PATJ: variants seen among roughly 807,000 people sequenced by gnomAD.
PATJ encodes the protein PATJ crumbs cell polarity complex component.
In PATJ, 190 loss-of-function variants were observed where a neutral mutation model predicts 224.9. That is an observed-to-expected ratio of 0.84 (90% CI 0.75 to 0.95). The LOEUF (loss-of-function observed/expected upper bound fraction) is 0.95, where lower values mean the gene tolerates loss of function less well. PATJ is among the 40% of genes least tolerant of loss of function. PATJ has a pLI of 0.00. For missense variants in PATJ, 2,121 were observed against 2,270.3 expected, an observed-to-expected ratio of 0.93 and a Z score of 1.34; for synonymous variants, 769 against 820.3, an observed-to-expected ratio of 0.94 and a Z score of 1.07.
chr1:61,917,714 G>A (rs1040765054), intron 26 of PATJ, among the ~76,000 whole-genome samples: 16 of 151,968 alleles, frequency 1.1e-4, no homozygotes, highest in African/African-American at 2.9e-4. Flanking sequence ...TAAAATGATC[G>A]GTAGGAGCAT....
At chr1:61,894,260 AAAAAAAAAACAC>A (rs1670021406) in intron 22 of PATJ, among the ~76,000 whole-genome samples, 1 of 140,478 alleles carries the variant, frequency 7.1e-6, no homozygotes, top group South Asian at 2.3e-4. Flanking sequence ...ATCTCATAAA[AAAAAAAAAACAC>A]AAAAAAAAAA....
chr1:61,880,883 C>G (rs984204687), intron 21 of PATJ, among the ~76,000 whole-genome samples: 3 of 152,202 alleles, frequency 2.0e-5, no homozygotes, highest in African/African-American at 7.2e-5. Context: ...CACTTGAGGT[C>G]AGGAGTTCAA....
intron 31 of PATJ, among the ~76,000 whole-genome samples, chr1:62,062,074 A>G (rs1439038294): frequency 2.0e-5 from 3 of 152,216 alleles, no homozygotes; most frequent in Non-Finnish European, 2.9e-5. Context: ...TCTTTCTGGT[A>G]GAATAACTTA....
At chr1:61,844,063 G>A (rs943502694) in intron 17 of PATJ, among the ~76,000 whole-genome samples, 32 of 152,226 alleles carry the variant, frequency 2.1e-4, no homozygotes, top group African/African-American at 3.6e-4. Context: ...GACAGACAGC[G>A]GACAAATAAG....
intron 27 of PATJ, chr1:61,952,270 GAGAGAGAGAA>G (rs1679811154): frequency 3.3e-6 from 2 of 614,152 alleles, no homozygotes. Context: ...GAGAGAGAGA[GAGAGAGAGAA>G]AAATAGGCCC....
At chr1:61,784,363 A>G (rs528045584) in intron 7 of PATJ, among the ~76,000 whole-genome samples, 155 of 152,366 alleles carry the variant, frequency 1.0e-3, no homozygotes, top group African/African-American at 3.5e-3. Flanking sequence ...GAAAATATCA[A>G]TAAAATGCAG....
intron 11 of PATJ, among the ~76,000 whole-genome samples, chr1:61,797,873 G>A (rs1424852045): frequency 6.6e-6 from 1 of 151,846 alleles, no homozygotes; most frequent in African/African-American, 2.4e-5. Flanking sequence ...CACGATCTTG[G>A]CTTACTGCAA....
At chr1:61,826,663 T>C (rs1008714013) in intron 15 of PATJ, among the ~76,000 whole-genome samples, 1 of 152,228 alleles carries the variant, frequency 6.6e-6, no homozygotes, top group Non-Finnish European at 1.5e-5. Flanking sequence ...GAAATTTAGA[T>C]AATTTTTTGG....
chr1:61,800,677 C>A (rs1014557031), intron 11 of PATJ, among the ~76,000 whole-genome samples: 3 of 152,120 alleles, frequency 2.0e-5, no homozygotes, highest in Admixed American at 1.3e-4. Flanking sequence ...GTGTGCTACA[C>A]CCATTAACTC....
intron 42 of PATJ, among the ~76,000 whole-genome samples, chr1:62,152,763 A>G (rs1668757864): frequency 6.6e-6 from 1 of 152,226 alleles, no homozygotes; most frequent in Non-Finnish European, 1.5e-5. Flanking sequence ...CCACCACACT[A>G]GGAGACACGC....
At position 62,123,043 on chromosome 1, in the gene PATJ, T is replaced by C. The variant is rs756774312; in HGVS notation, c.5028T>C (p.Thr1676=). The C allele has an allele frequency of 2.5e-6, 4 of 1,597,352 alleles. No individual in the cohort carries two copies. In the South Asian group the frequency reaches 3.4e-5, roughly 14 times the overall value. Residue 1676 remains threonine, a synonymous_variant, in exon 39 of 44, where the codon ACT becomes ACC. Coordinates refer to ENST00000642238, the MANE Select transcript of PATJ (RefSeq NM_001350145.3). ...KNSGTDMEPR[T]VEINRELSDA... ...TAGGCACAGATATGGAACCAAGGAC[T>C]GTTGAGATAAACAGGGTAAGTCAGT...
chr1:61,882,224 G>A (rs762504378), intron 21 of PATJ, among the ~76,000 whole-genome samples: 22 of 152,116 alleles, frequency 1.4e-4, no homozygotes, highest in Non-Finnish European at 2.5e-4. Flanking sequence ...TGAGGAGGAG[G>A]CCTATTTTAT....
chr1:62,058,367 T>A (rs1029661398), intron 31 of PATJ, among the ~76,000 whole-genome samples: 1 of 152,226 alleles, frequency 6.6e-6, no homozygotes, highest in Non-Finnish European at 1.5e-5. Context: ...ATGCATTTGA[T>A]CCTTATAAAA....
At chr1:61,935,298 C>CA (rs1415107768) in intron 27 of PATJ, among the ~76,000 whole-genome samples, 1 of 152,138 alleles carries the variant, frequency 6.6e-6, no homozygotes, top group African/African-American at 2.4e-5. Context: ...ATGAATGGAA[C>CA]CCCACACTGT....
At chr1:61,810,209 A>C (rs547692586) in intron 14 of PATJ, among the ~76,000 whole-genome samples, 1 of 152,090 alleles carries the variant, frequency 6.6e-6, no homozygotes, top group African/African-American at 2.4e-5. Flanking sequence ...GTTTACCTGC[A>C]TCTTGAGTCA....
rs900992164 is a variant in PATJ, at chr1:62,100,383, A to G, written c.4378-8054A>G. ...CTGGTGAGGGCCTTCATGCTGCATC[A>G]TCCTGTGACAGAAGTTGAAGGGCAA... is the stretch of plus-strand genomic sequence containing the variant. On this transcript the variant is annotated intron_variant, in intron 33 of 43. Coordinates refer to ENST00000642238, the MANE Select transcript of PATJ (RefSeq NM_001350145.3). The G allele has an allele frequency of 7.0e-5, 50 of 718,344 alleles. No individual in the cohort carries two copies. The African/African-American group carries it at 8.0e-4, about 12-fold the overall frequency. 44.5% of individuals were successfully genotyped at this position (718,344 alleles called of 1,614,324 possible).
At chr1:61,918,141 T>C (rs1213312958) in intron 26 of PATJ, 1 of 151,858 alleles carries the variant, frequency 6.6e-6, no homozygotes, top group African/African-American at 2.4e-5. Context: ...TGTGGGCCTG[T>C]GTTTTCTATG....
chr1:61,785,200 A>G (rs1351288113), intron 7 of PATJ, among the ~76,000 whole-genome samples: 1 of 152,218 alleles, frequency 6.6e-6, no homozygotes, highest in Non-Finnish European at 1.5e-5. Context: ...GGATTAACCC[A>G]GTAGTCATTG....
intron 31 of PATJ, among the ~76,000 whole-genome samples, chr1:62,073,770 G>C (rs1239053036): frequency 6.6e-6 from 1 of 152,186 alleles, no homozygotes; most frequent in African/African-American, 2.4e-5. Context: ...CAGAAGGCTT[G>C]CTTGAGCCCA....
Sources: allele counts gnomAD v4.1 joint callset (sites outside exome capture counted in the v4.1 genomes callset), GRCh38; gene constraint gnomAD v4.1.1; transcripts MANE v1.5; gene names NCBI Gene and HGNC (gene_info 2026-07-23, HGNC 2026-07-21).